Variants in LILRA5 observed in about 807,000 individuals in gnomAD.
LILRA5 encodes the protein leukocyte immunoglobulin like receptor A5, also known as leukocyte immunoglobulin-like receptor subfamily A member 5.
A neutral mutation model predicts 36.3 loss-of-function variants in LILRA5; 31 were observed. That is an observed-to-expected ratio of 0.85 (90% CI 0.64 to 1.15). LILRA5 has a LOEUF of 1.15. LILRA5 is among the 50% of genes most tolerant of loss of function. LILRA5 has a pLI of 0.00. For synonymous variants in LILRA5, 144 were observed against 144.8 expected, an observed-to-expected ratio of 0.99 and a Z score of 0.04; for missense variants, 348 against 377.4, an observed-to-expected ratio of 0.92 and a Z score of 0.64.
At position 54,312,601 on chromosome 19, in the gene LILRA5, A is replaced by C; in HGVS notation, c.24T>G (p.Ser8=). 1 of 1,614,222 alleles carries C rather than the reference A, an allele frequency of 6.2e-7. No individual in the cohort carries two copies. Among genetic ancestry groups the C allele is most frequent in the Non-Finnish European group, 8.5e-7 (1 of 1,180,028 alleles). ...CTCCTCCCACTGGCTGCAGCTGTGC[A>C]GATGGATGAGACCATGGTGCCTGGC... MAPWSHP[S]AQLQPVGGDA... The change falls in exon 2 of 7, where the codon TCT becomes TCG. Residue 8 remains serine (S), a synonymous_variant. Transcript: ENST00000432233.
rs138364201 is a variant in LILRA5 at position 54,312,570 on chromosome 19, C to T, written c.55G>A (p.Val19Met). The change falls in exon 2 of 7, where the codon GTG becomes ATG. Residue 19 changes from valine to methionine, a missense_variant. Coordinates refer to ENST00000432233, the MANE Select transcript of LILRA5 (RefSeq NM_021250.4). ...AGCAGAACCATGAGGGCAGGGCTCA[C>T]GGCGTCTCCTCCCACTGGCTGCAGC... ...AQLQPVGGDA[V>M]SPALMVLLCL... 3.1e-5 allele frequency: 50 copies of T among 1,614,074 alleles called. No individual in the cohort carries two copies. Among genetic ancestry groups the T allele is most frequent in the African/African-American group, 5.3e-5 (4 of 74,928 alleles).
Position 54,311,666 on chromosome 19 carries a change from A to C in LILRA5, c.460T>G (p.Ser154Ala), listed in dbSNP as rs781706112. ...LSALPSPVVTSGENVTLQCGS... is the reference protein window; with the variant it reads ...LSALPSPVVTAGENVTLQCGS... ...CACTGGAGGGTCACGTTCTCTCCTG[A>C]GGTCACCACAGGACTGGGCAGGGCT... Residue 154 changes from serine (S) to alanine (A), a missense_variant, in exon 5 of 7, where the codon TCA (serine) becomes GCA (alanine). Ser to Ala is a moderately conservative substitution (Grantham distance 99). Coordinates refer to ENST00000432233, the MANE Select transcript of LILRA5 (RefSeq NM_021250.4). 12 of 1,614,138 alleles carry C rather than the reference A, an allele frequency of 7.4e-6. No individual in the cohort carries two copies. Among genetic ancestry groups the C allele is most frequent in the Non-Finnish European group, 1.0e-5 (12 of 1,179,992 alleles).
At chr19:54,308,356 T>A (rs1489070352) in intron 5 of LILRA5, 1 of 2,558 alleles carries the variant, frequency 3.9e-4, no homozygotes, top group Non-Finnish European at 7.4e-4. Context: ...TATATATAAA[T>A]ATATATATAT....
At chr19:54,312,733 C>T in intron 1 of LILRA5, 112 bp from the exon 2 acceptor site, 1 of 1,099,564 alleles carries the variant, frequency 9.1e-7, no homozygotes, top group Non-Finnish European at 1.3e-6. Flanking sequence ...TCCCCAGGAG[C>T]CTGGCTCTCA....
Position 54,307,092 on chromosome 19 carries a change from C to T in LILRA5, c.*321G>A. 4.8e-6 allele frequency: 1 copy of T among 207,650 alleles called. No individual in the cohort carries two copies. 12.9% of individuals were successfully genotyped at this position (207,650 alleles called of 1,614,324 possible). A position where few individuals can be genotyped will look rare whatever the true frequency, so the allele number is the denominator to read the frequency against. Reference sequence around the variant, plus strand: ...TGGTCCTCCATGGATCACCCCAGACCAGTGTCTCTGCACTCAAACACCCAT... The same window carrying T: ...TGGTCCTCCATGGATCACCCCAGACTAGTGTCTCTGCACTCAAACACCCAT... On this transcript the variant is annotated 3_prime_UTR_variant, in exon 7 of 7. Coordinates refer to ENST00000432233, the MANE Select transcript of LILRA5 (RefSeq NM_021250.4).
chr19:54,312,936 C>T (rs2081054232), intron 1 of LILRA5, 81 bp downstream of exon 1: 2 of 1,570,670 alleles, frequency 1.3e-6, no homozygotes, highest in Non-Finnish European at 1.8e-6. Context: ...CGAGGGTGAC[C>T]TCCTCCCTCT....
In LILRA5 at chr19:54,312,275, T is replaced by A; in HGVS notation, c.124+60A>T. 4 of 1,611,718 alleles carry A rather than the reference T, an allele frequency of 2.5e-6. No individual in the cohort carries two copies. The South Asian group carries it at 3.3e-5, about 13-fold the overall frequency. On this transcript the variant is annotated intron_variant, in intron 3 of 6. Transcript: ENST00000432233. Reference sequence around the variant, plus strand: ...TGCGGTCTTCACCCCCAGCTGCCCATGGGTGGCCCTTTGTCCCCATTGAGG... The same window carrying A: ...TGCGGTCTTCACCCCCAGCTGCCCAAGGGTGGCCCTTTGTCCCCATTGAGG...
Position 54,310,840 on chromosome 19 carries a change from G to A in LILRA5, c.712+574C>T, listed in dbSNP as rs1457429528. ...TCCAGGGACCACAACAGGGCCCTGC[G>A]GGGTCAGGAGGGAGGGCTTTCTAGA... On this transcript the variant is annotated intron_variant, in intron 5 of 6. Transcript: ENST00000432233. 5 of 242,816 alleles carry A rather than the reference G, an allele frequency of 2.1e-5. 1 individual carries two copies. Among genetic ancestry groups the A allele is most frequent in the Admixed American group, 1.1e-4 (2 of 18,932 alleles). 15.0% of individuals were successfully genotyped at this position (242,816 alleles called of 1,614,324 possible).
intron 5 of LILRA5, chr19:54,309,959 G>T: frequency 3.7e-6 from 1 of 268,636 alleles, no homozygotes; most frequent in Non-Finnish European, 7.3e-6. Context: ...CTCCAGGTGA[G>T]CACAGGAGGG....
chr19:54,312,218 C>G, intron 3 of LILRA5, 70 bp from the exon 4 acceptor site: 1 of 1,610,696 alleles, frequency 6.2e-7, no homozygotes, highest in Non-Finnish European at 8.5e-7. Context: ...AGCCCCAGGA[C>G]CCTCCAGACG....
rs762745987 is a variant in LILRA5 at position 54,312,597 on chromosome 19, G to C, written c.28C>G (p.Gln10Glu). The C allele has an allele frequency of 1.2e-6, 2 of 1,614,224 alleles. No homozygotes were observed. Among genetic ancestry groups the C allele is most frequent in the Non-Finnish European group, 1.7e-6 (2 of 1,180,040 alleles). Residue 10 changes from glutamine to glutamate, a missense_variant, in exon 2 of 7, where the codon CAG becomes GAG. Physicochemically the swap from Gln to Glu is conservative, Grantham distance 29. Transcript: ENST00000432233. ...GCGTCTCCTCCCACTGGCTGCAGCT[G>C]TGCAGATGGATGAGACCATGGTGCC... The part of the protein sequence containing the change: MAPWSHPSA[Q>E]LQPVGGDAVS...
chr19:54,310,724 C>T, intron 5 of LILRA5: 1 of 326,404 alleles, frequency 3.1e-6, no homozygotes, highest in South Asian at 2.4e-5. Context: ...CCTGGGGCTG[C>T]CGGCCAGTGG....
In LILRA5 at chr19:54,307,347, C is replaced by G; in HGVS notation, c.*66G>C. On this transcript the variant is annotated 3_prime_UTR_variant, in exon 7 of 7. Coordinates refer to ENST00000432233, the MANE Select transcript of LILRA5 (RefSeq NM_021250.4). ...TAGGCCTCAGATGGTCTTCCCGAAC[C>G]TCCTAGGACCATCAGATTCGCTTCC... 6.6e-7 allele frequency: 1 copy of G among 1,519,476 alleles called. No homozygotes were observed. Among genetic ancestry groups the G allele is most frequent in the Non-Finnish European group, 8.8e-7 (1 of 1,132,080 alleles). The allele number at this position is 1,519,476 out of a possible 1,614,324, so 94.1% of individuals were successfully genotyped here. A position where few individuals can be genotyped will look rare whatever the true frequency, so the allele number is the denominator to read the frequency against.
rs1289817209 is a variant in LILRA5 at position 54,307,262 on chromosome 19, A to AG, written c.*150_*151insC. ...CATCTCAAAAAAAAAAAAAAAAAAA[A>AG]AAAAGAAAGAAAAGAAAAGAAAGAA... On this transcript the variant is annotated 3_prime_UTR_variant, in exon 7 of 7. Transcript: ENST00000432233. 32 of 559,518 alleles carry AG rather than the reference A, an allele frequency of 5.7e-5. No homozygotes were observed. Among genetic ancestry groups the AG allele is most frequent in the African/African-American group, 5.5e-4 (28 of 50,596 alleles). 34.7% of individuals were successfully genotyped at this position (559,518 alleles called of 1,614,324 possible).
chr19:54,311,373 G>T (rs780113187), intron 5 of LILRA5, 41 bp downstream of exon 5: 1 of 1,614,142 alleles, frequency 6.2e-7, no homozygotes, highest in Admixed American at 1.7e-5. Flanking sequence ...AACCTGTCTG[G>T]CTTCCCTGAA....
chr19:54,310,695 T>A, intron 5 of LILRA5: 1 of 323,404 alleles, frequency 3.1e-6, no homozygotes, highest in Non-Finnish European at 6.3e-6. Flanking sequence ...CAGGGGGAAG[T>A]CAGCCTGGGA....
In LILRA5 at chr19:54,307,390, T is replaced by TATTTG; in HGVS notation, c.*22_*23insCAAAT. 1 of 1,587,774 alleles carries TATTTG rather than the reference T, an allele frequency of 6.3e-7. No individual in the cohort carries two copies. Among genetic ancestry groups the TATTTG allele is most frequent in the Non-Finnish European group, 8.6e-7 (1 of 1,167,210 alleles). ...TCGCTTCCAAGGCTCCAGCATTCAA[T>TATTTG]GGTGCATTGTTCTCTCTTCTGTTCA... On this transcript the variant is annotated 3_prime_UTR_variant, in exon 7 of 7. Transcript: ENST00000432233.
At chr19:54,311,772 C>A (rs1390071758) in intron 4 of LILRA5, 56 bp from the exon 5 acceptor site, 9 of 1,610,218 alleles carry the variant, frequency 5.6e-6, no homozygotes, top group Admixed American at 1.7e-5. Flanking sequence ...ACATCATCCC[C>A]AGGGCTGGGC....
chr19:54,307,497 G>T lies in LILRA5; in HGVS notation c.816C>A (p.Ala272=). 2 of 1,613,986 alleles carry T rather than the reference G, an allele frequency of 1.2e-6. No individual in the cohort carries two copies. The highest frequency in any genetic ancestry group is 1.7e-6 in the Non-Finnish European group (2 of 1,179,988). ...AVENLIRMGM[A]GLILVVLGIL... ...TCCCAAGGACCACCAGGATCAAGCC[G>T]GCCATGCCCATGCGGATGAGATTCT... The change falls in exon 7 of 7, where the codon GCC becomes GCA. Residue 272 remains alanine (A), a synonymous_variant. Coordinates refer to ENST00000432233, the MANE Select transcript of LILRA5 (RefSeq NM_021250.4).
Sources: gnomAD v4.1 joint callset for allele counts on GRCh38, gnomAD v4.1.1 for gene constraint, MANE v1.5 for transcripts, NCBI Gene and HGNC (gene_info 2026-07-23, HGNC 2026-07-21) for gene names.